The following CACNA1C variants were observed in gnomAD, a reference collection of about 807,000 sequenced individuals.
CACNA1C encodes the protein voltage-dependent L-type calcium channel subunit alpha-1C.
A neutral mutation model predicts 229.0 loss-of-function variants in CACNA1C; 30 were observed. That is an observed-to-expected ratio of 0.13 (90% CI 0.10 to 0.18). CACNA1C has a LOEUF of 0.18. Ranked by LOEUF, CACNA1C falls within the 10% of genes least tolerant of loss-of-function variation. The pLI is 1.00. For missense variants in CACNA1C, 1,658 were observed against 2,845.0 expected (o/e 0.58, Z 9.49); for synonymous variants, 1,114 against 1,132.5 (o/e 0.98, Z 0.33).
chr12:2,582,140 AT>A (rs2060731557), intron 14 of CACNA1C, among the ~76,000 whole-genome samples: 1 of 150,298 alleles, frequency 6.7e-6, no homozygotes, highest in Non-Finnish European at 1.5e-5. Context: ...TCCGTCTCAA[AT>A]AAAAAAAAAA....
At chr12:2,223,226 A>G (rs903959209) in intron 3 of CACNA1C, 2 of 152,262 alleles carry the variant, frequency 1.3e-5, no homozygotes, top group Admixed American at 6.5e-5. Context: ...GAATGGGTCC[A>G]AACATAAGGG....
rs888796192 is a variant in CACNA1C at position 2,136,496 on chromosome 12, T to C, written c.477+16066T>C. Among the ~76,000 whole-genome samples the C allele has an allele frequency of 2.6e-5, 4 of 151,492 alleles. 1 individual carries two copies. The highest frequency in any genetic ancestry group is 6.6e-5 in the Admixed American group (1 of 15,116). On this transcript the variant is annotated intron_variant, in intron 3 of 46. Coordinates refer to ENST00000399655, the MANE Select transcript of CACNA1C (RefSeq NM_000719.7). ...TGCTGTGTGGCCCCCAACTAAGGTA[T>C]AAATGGGAGGGGTATTTTGCTTTGA... is the stretch of plus-strand genomic sequence containing the variant.
chr12:2,124,147 T>C (rs112586389), intron 3 of CACNA1C, among the ~76,000 whole-genome samples: 2,422 of 136,254 alleles, frequency 0.018, 58 homozygotes, highest in African/African-American at 0.065. Flanking sequence ...TGTGTGTGTG[T>C]GTGCAGTCAT....
At chr12:2,358,250 CCTGTGTGT>C (rs2097441587) in intron 3 of CACNA1C, among the ~76,000 whole-genome samples, 1 of 120,226 alleles carries the variant, frequency 8.3e-6, no homozygotes, top group South Asian at 3.2e-4. Flanking sequence ...GCGGCGTCCT[CCTGTGTGT>C]GTGTGTGTGT....
chr12:2,500,398 G>A (rs973745419), intron 7 of CACNA1C, among the ~76,000 whole-genome samples: 6 of 152,198 alleles, frequency 3.9e-5, no homozygotes, highest in East Asian at 1.9e-4. Context: ...TCCAAGGCGC[G>A]TGGGTTTGTG....
At chr12:2,081,153 A>G (rs2065430778) in intron 1 of CACNA1C, among the ~76,000 whole-genome samples, 1 of 152,250 alleles carries the variant, frequency 6.6e-6, no homozygotes, top group Admixed American at 6.5e-5. Context: ...TTCTGTACAA[A>G]CACCAGACTT....
intron 3 of CACNA1C, among the ~76,000 whole-genome samples, chr12:2,161,452 G>T (rs566372000): frequency 1.3e-5 from 2 of 152,322 alleles, no homozygotes; most frequent in East Asian, 3.9e-4. Context: ...CTGAGGGCTG[G>T]TGGAGGTGCC....
intron 18 of CACNA1C, among the ~76,000 whole-genome samples, chr12:2,592,077 T>C (rs2065630828): frequency 2.6e-5 from 4 of 152,320 alleles, no homozygotes; most frequent in Middle Eastern, 3.4e-3. Context: ...CATTGCAAAG[T>C]TCTAGGTAGG....
At chr12:2,317,013 C>T (rs1415694894) in intron 3 of CACNA1C, among the ~76,000 whole-genome samples, 2 of 152,304 alleles carry the variant, frequency 1.3e-5, no homozygotes, top group Admixed American at 1.3e-4. Context: ...AAGCAGAAAA[C>T]AAGTGGTGGC....
rs141881862 is a variant in CACNA1C at position 2,109,711 on chromosome 12, G to A, written c.50-5513G>A. On this transcript the variant is annotated intron_variant, in intron 1 of 46. Transcript: ENST00000399655. Reference sequence around the variant, plus strand: ...TGGAGATTGGCTTGGGGATGGCCAAGAGTGGACTGAGGAAAAGGTCAGGGT... The same window carrying A: ...TGGAGATTGGCTTGGGGATGGCCAAAAGTGGACTGAGGAAAAGGTCAGGGT... Among the ~76,000 whole-genome samples the A allele has an allele frequency of 3.9e-3, 599 of 152,330 alleles. 5 individuals carry two copies. The highest frequency in any genetic ancestry group is 8.0e-3 in the Admixed American group (122 of 15,308).
Position 2,370,127 on chromosome 12 carries a change from A to G in CACNA1C, c.478-78849A>G, listed in dbSNP as rs149897447. Among the ~76,000 whole-genome samples, 459 of 152,366 alleles carry G rather than the reference A, an allele frequency of 3.0e-3. 1 individual carries two copies. The highest frequency in any genetic ancestry group is 0.011 in the African/African-American group (443 of 41,594). On this transcript the variant is annotated intron_variant, in intron 3 of 46. Coordinates refer to ENST00000399655, the MANE Select transcript of CACNA1C (RefSeq NM_000719.7). The stretch of plus-strand genomic sequence containing the variant: ...TAAATACATTTTGATTTTTAAAATC[A>G]GCCTCACTAGTAAAATAGAAACATA...
At chr12:2,113,750 T>C (rs956036186) in intron 1 of CACNA1C, among the ~76,000 whole-genome samples, 3 of 152,296 alleles carry the variant, frequency 2.0e-5, no homozygotes, top group African/African-American at 7.2e-5. Context: ...TTCTGGGAGA[T>C]TCAGGTTTGG....
intron 3 of CACNA1C, among the ~76,000 whole-genome samples, chr12:2,311,207 C>G (rs985544786): frequency 6.6e-6 from 1 of 152,198 alleles, no homozygotes; most frequent in African/African-American, 2.4e-5. Context: ...ATAGCAAACT[C>G]TGGTTCTTTG....
intron 3 of CACNA1C, among the ~76,000 whole-genome samples, chr12:2,276,113 G>C (rs960264874): frequency 1.3e-5 from 2 of 151,750 alleles, no homozygotes; most frequent in African/African-American, 4.8e-5. Context: ...CCCAAAGCTG[G>C]TTGGATCCGC....
In CACNA1C at chr12:2,369,305, C is replaced by A. The variant is rs569637193; in HGVS notation, c.478-79671C>A. On this transcript the variant is annotated intron_variant, in intron 3 of 46. Transcript: ENST00000399655. ...GCAGTGCATCTGTGGCTCATGAGAA[C>A]CTACTATATGGTAAAGGAAGCAAAG... Among the ~76,000 whole-genome samples, 6 of 151,946 alleles carry A rather than the reference C, an allele frequency of 3.9e-5. No individual in the cohort carries two copies. The South Asian group carries it at 1.0e-3, about 26-fold the overall frequency.
intron 28 of CACNA1C, among the ~76,000 whole-genome samples, chr12:2,611,670 C>T (rs2077872208): frequency 3.9e-5 from 6 of 152,194 alleles, no homozygotes; most frequent in East Asian, 3.9e-4. Flanking sequence ...AAAGTTGTCA[C>T]GGCCAACCAG....
rs1183781452 is a variant in CACNA1C at position 2,696,110 on chromosome 12, C to G, written c.*4911C>G. On this transcript the variant is annotated 3_prime_UTR_variant, in exon 47 of 47. Coordinates refer to ENST00000399655, the MANE Select transcript of CACNA1C (RefSeq NM_000719.7). Reference sequence around the variant, plus strand: ...CATTGAGAGAATACTACAATCAACACTTTTTCCTGGGATGACTTTAAGAGG... The same window carrying G: ...CATTGAGAGAATACTACAATCAACAGTTTTTCCTGGGATGACTTTAAGAGG... 6.6e-6 allele frequency: 1 copy of G among 152,184 alleles called. No homozygotes were observed. The highest frequency in any genetic ancestry group is 1.5e-5 in the Non-Finnish European group (1 of 68,052). The allele number at this position is 152,184 out of a possible 1,614,324, so 9.4% of individuals were successfully genotyped here. A position where few individuals can be genotyped will look rare whatever the true frequency, so the allele number is the denominator to read the frequency against.
At chr12:2,414,902 T>C (rs1457773910) in intron 3 of CACNA1C, among the ~76,000 whole-genome samples, 2 of 152,144 alleles carry the variant, frequency 1.3e-5, no homozygotes, top group Admixed American at 6.5e-5. Context: ...TCCCAAGAAC[T>C]GGCCCAAAGG....
chr12:2,416,607 G>A (rs1033001690), intron 3 of CACNA1C, among the ~76,000 whole-genome samples: 2 of 152,140 alleles, frequency 1.3e-5, no homozygotes, highest in African/African-American at 2.4e-5. Flanking sequence ...CCAGACTCTG[G>A]GCTCAACCAC....
Sources: gnomAD v4.1 joint callset for allele counts (sites outside exome capture counted in the v4.1 genomes callset) on GRCh38, gnomAD v4.1.1 for gene constraint, MANE v1.5 for transcripts, NCBI Gene and HGNC (gene_info 2026-07-23, HGNC 2026-07-21) for gene names.